ZFAND1: variants seen among roughly 807,000 people sequenced by gnomAD.
ZFAND1 encodes the protein zinc finger AN1-type containing 1, also known as AN1-type zinc finger protein 1.
A neutral mutation model predicts 38.5 loss-of-function variants in ZFAND1; 40 were observed. The ratio of observed to expected loss-of-function variants is 1.04; its 90% CI spans 0.81 to 1.35. The LOEUF is 1.35. Ranked by LOEUF, ZFAND1 falls within the 40% of genes most tolerant of loss-of-function variation. The pLI, the probability that ZFAND1 is intolerant of heterozygous loss-of-function variation, is 0.00. For missense variants in ZFAND1, 346 were observed against 316.3 expected, an observed-to-expected ratio of 1.09 and a Z score of -0.71; for synonymous variants, 117 against 103.6, an observed-to-expected ratio of 1.13 and a Z score of -0.78.
intron 6 of ZFAND1, among the ~76,000 whole-genome samples, chr8:81,707,878 T>A (rs753294070): frequency 1.3e-5 from 2 of 152,082 alleles, no homozygotes; most frequent in Non-Finnish European, 2.9e-5. Context: ...CAAAACTACC[T>A]AAACAACTGG....
chr8:81,707,906 C>T lies in ZFAND1; in HGVS notation c.481-4782G>A, dbSNP rs58619727. 2.3e-3 allele frequency among the ~76,000 whole-genome samples: 353 copies of T among 152,140 alleles called. 1 individual carries two copies. Among genetic ancestry groups the T allele is most frequent in the African/African-American group, 8.1e-3 (335 of 41,510 alleles). ...ACAACTGGAAGAAAATAAAATTAAGCCCTCAGCTCACATCATATGCTAATT... is the reference window on the plus strand; with the variant it reads ...ACAACTGGAAGAAAATAAAATTAAGTCCTCAGCTCACATCATATGCTAATT... On this transcript the variant is annotated intron_variant, in intron 6 of 7. Transcript: ENST00000220669.
chr8:81,710,411 A>G (rs894893711), intron 6 of ZFAND1, among the ~76,000 whole-genome samples: 5 of 152,226 alleles, frequency 3.3e-5, no homozygotes, highest in African/African-American at 9.6e-5. Context: ...AGAAAACTGT[A>G]ATCAATTGTT....
At chr8:81,720,120 T>C (rs1808429928) in intron 1 of ZFAND1, among the ~76,000 whole-genome samples, 1 of 152,222 alleles carries the variant, frequency 6.6e-6, no homozygotes, top group Non-Finnish European at 1.5e-5. Flanking sequence ...TTCAGGCACT[T>C]GATACCAATG....
chr8:81,715,237 C>G (rs2130428813), intron 3 of ZFAND1, 123 bp from the exon 4 acceptor site: 1 of 930,588 alleles, frequency 1.1e-6, no homozygotes, highest in Non-Finnish European at 1.6e-6. Flanking sequence ...GTTACTTACT[C>G]TCAAAGATTA....
Position 81,718,227 on chromosome 8 carries a change from A to G in ZFAND1, c.56-3T>C. 2 of 1,571,346 alleles carry G rather than the reference A, an allele frequency of 1.3e-6. No individual in the cohort carries two copies. Among genetic ancestry groups the G allele is most frequent in the Non-Finnish European group, 1.7e-6 (2 of 1,158,204 alleles). ...ATCACACACAAATGGAAGAAAATCT[A>G]AAATTGAGAGAAAATGTATATACTG... On this transcript the variant is annotated splice_polypyrimidine_tract_variant and splice_region_variant and intron_variant, in intron 1 of 7. Transcript: ENST00000220669.
intron 6 of ZFAND1, among the ~76,000 whole-genome samples, chr8:81,712,473 C>T (rs1585925554): frequency 6.6e-6 from 1 of 152,084 alleles, no homozygotes; most frequent in East Asian, 1.9e-4. Flanking sequence ...GATATGACTA[C>T]ACAGAAAATA....
rs79258373 is a variant in ZFAND1 at position 81,705,030 on chromosome 8, A to C, written c.481-1906T>G. 3.3e-3 allele frequency among the ~76,000 whole-genome samples: 508 copies of C among 152,312 alleles called. 12 individuals carry two copies. Among genetic ancestry groups the C allele is most frequent in the East Asian group, 0.027 (142 of 5,186 alleles). ...TGCAAAGTGATAGGCTGGCTAAGCC[A>C]CAGGCTTTCAGGGCTCCAGAAGAGG... On this transcript the variant is annotated intron_variant, in intron 6 of 7. Transcript: ENST00000220669.
rs1808250505 is a variant in ZFAND1 at position 81,714,825 on chromosome 8, T to G, written c.337A>C (p.Lys113Gln). The change falls in exon 5 of 8, where the codon AAA (lysine) becomes CAA (glutamine). Residue 113 changes from lysine (K) to glutamine (Q), a missense_variant. Physicochemically the swap from Lys to Gln is moderately conservative, Grantham distance 53. Coordinates refer to ENST00000220669, the MANE Select transcript of ZFAND1 (RefSeq NM_024699.3). ...IPKPRMAATQKLVKDIIDSKT... is the reference protein window; with the variant it reads ...IPKPRMAATQQLVKDIIDSKT... ...TTACCAATAATGTCTTTAACAAGTT[T>G]CTGAGTGGCAGCCATTCGAGGCTTT... is the stretch of plus-strand genomic sequence containing the variant. 6.2e-7 allele frequency: 1 copy of G among 1,613,994 alleles called. No homozygotes were observed. The highest frequency in any genetic ancestry group is 1.3e-5 in the African/African-American group (1 of 74,944).
intron 6 of ZFAND1, among the ~76,000 whole-genome samples, chr8:81,710,728 T>C (rs1808116089): frequency 6.6e-6 from 1 of 152,118 alleles, no homozygotes; most frequent in Non-Finnish European, 1.5e-5. Context: ...AGTGAAACAA[T>C]ATTATAATTC....
In ZFAND1 at chr8:81,701,455, CAAA is replaced by C. The variant is rs35788351; in HGVS notation, c.*1237_*1239del. On this transcript the variant is annotated 3_prime_UTR_variant, in exon 8 of 8. Coordinates refer to ENST00000220669, the MANE Select transcript of ZFAND1 (RefSeq NM_024699.3). ...CATAATTTTTATATGCCCTGGGAAA[CAAA>C]AAAAAATTTGTCTGGCTCAATATAC... The C allele has an allele frequency of 6.6e-6, 1 of 151,228 alleles. No homozygotes were observed. Among genetic ancestry groups the C allele is most frequent in the Non-Finnish European group, 1.5e-5 (1 of 67,830 alleles). 9.4% of individuals were successfully genotyped at this position (151,228 alleles called of 1,614,324 possible). A position where few individuals can be genotyped will look rare whatever the true frequency, so the allele number is the denominator to read the frequency against.
chr8:81,717,366 C>A, intron 2 of ZFAND1, 78 bp from the exon 3 acceptor site: 1 of 1,140,482 alleles, frequency 8.8e-7, no homozygotes, highest in South Asian at 1.9e-5. Context: ...TTTTAATGTT[C>A]AGTATACTTA....
At chr8:81,711,014 T>C (rs1057468898) in intron 6 of ZFAND1, among the ~76,000 whole-genome samples, 6 of 152,242 alleles carry the variant, frequency 3.9e-5, no homozygotes, top group African/African-American at 1.4e-4. Context: ...GGGTAAAGAA[T>C]ATGGAAAAGT....
In ZFAND1 at chr8:81,705,697, G is replaced by A. The variant is rs561916834; in HGVS notation, c.481-2573C>T. On this transcript the variant is annotated intron_variant, in intron 6 of 7. Transcript: ENST00000220669. ...GCACTTGGGGAGGCTGAGGTGGGCA[G>A]ATCACTTGAGGTCAGGAGTTCGAGG... Among the ~76,000 whole-genome samples the A allele has an allele frequency of 2.0e-5, 3 of 152,366 alleles. No individual in the cohort carries two copies. The South Asian group carries it at 6.2e-4, about 32-fold the overall frequency.
At chr8:81,716,895 C>A (rs1296606291) in intron 3 of ZFAND1, among the ~76,000 whole-genome samples, 1 of 151,786 alleles carries the variant, frequency 6.6e-6, no homozygotes, top group Non-Finnish European at 1.5e-5. Context: ...TGCAGTGAGC[C>A]GAGATCGTAC....
In ZFAND1 at chr8:81,713,911, G is replaced by C. The variant is rs75348453; in HGVS notation, c.480+7C>G. The C allele has an allele frequency of 6.2e-7, 1 of 1,612,254 alleles. No individual in the cohort carries two copies. The highest frequency in any genetic ancestry group is 1.1e-5 in the South Asian group (1 of 90,570). ...TTTTTGTGTTTTAAAAAATCTCTAA[G>C]ACCAACCTGTGGTAATGACTTATCG... On this transcript the variant is annotated splice_region_variant and intron_variant, in intron 6 of 7. Coordinates refer to ENST00000220669, the MANE Select transcript of ZFAND1 (RefSeq NM_024699.3).
rs1284213489 is a variant in ZFAND1, at chr8:81,715,108, C to CGT, written c.144_145insAC (p.Val49ThrfsTer2). On this transcript the variant is annotated frameshift_variant, in exon 4 of 8. Transcript: ENST00000220669. LOFTEE classifies it high-confidence loss of function. ...TCTGTCTTCAGTCTCTCATTGATTA[C>CGT]AGTCACCTGAAAATGCAAAAAGGAG... The CGT allele has an allele frequency of 6.2e-7, 1 of 1,613,558 alleles. No homozygotes were observed. Among genetic ancestry groups the CGT allele is most frequent in the Non-Finnish European group, 8.5e-7 (1 of 1,179,654 alleles).
intron 5 of ZFAND1, chr8:81,714,323 C>T (rs907672826): frequency 3.1e-5 from 9 of 294,866 alleles, no homozygotes; most frequent in Non-Finnish European, 5.7e-5. Flanking sequence ...TACAGACAAC[C>T]TTAAGATTTG....
rs1247418408 is a variant in ZFAND1, at chr8:81,702,367, T to C, written c.*328A>G. The C allele has an allele frequency of 6.1e-6, 1 of 164,990 alleles. No individual in the cohort carries two copies. Among genetic ancestry groups the C allele is most frequent in the Non-Finnish European group, 1.3e-5 (1 of 77,290 alleles). 10.2% of individuals were successfully genotyped at this position (164,990 alleles called of 1,614,324 possible). A position where few individuals can be genotyped will look rare whatever the true frequency, so the allele number is the denominator to read the frequency against. On this transcript the variant is annotated 3_prime_UTR_variant, in exon 8 of 8. Coordinates refer to ENST00000220669, the MANE Select transcript of ZFAND1 (RefSeq NM_024699.3). ...AGATCCCTTCCTTTGCCTTTGATCA[T>C]GGTAAGAAGATGACACAAAGCAGTG...
chr8:81,703,719 G>A (rs1230636417), intron 6 of ZFAND1, among the ~76,000 whole-genome samples: 1 of 151,994 alleles, frequency 6.6e-6, no homozygotes, highest in Non-Finnish European at 1.5e-5. Context: ...CACCACACTC[G>A]GCCTCTCCTT....
Sources: allele counts gnomAD v4.1 joint callset (sites outside exome capture counted in the v4.1 genomes callset), GRCh38; gene constraint gnomAD v4.1.1; transcripts MANE v1.5; gene names NCBI Gene and HGNC (gene_info 2026-07-23, HGNC 2026-07-21).